Variants in SNTB1 observed in about 807,000 individuals in gnomAD.
SNTB1 encodes the protein syntrophin beta 1.
Under a neutral mutation model 48.9 loss-of-function variants are expected in SNTB1, and 36 were observed. That is an observed-to-expected ratio of 0.74 (90% CI 0.56 to 0.97). The LOEUF is 0.97. SNTB1 is among the 50% of genes least tolerant of loss of function. The pLI is 0.00. For synonymous variants in SNTB1, 299 were observed against 294.6 expected (o/e 1.01, Z -0.15); for missense variants, 786 against 703.4 (o/e 1.12, Z -1.33).
At chr8:120,593,415 C>T (rs187423722) in intron 3 of SNTB1, among the ~76,000 whole-genome samples, 1 of 152,282 alleles carries the variant, frequency 6.6e-6, no homozygotes, top group East Asian at 1.9e-4. Context: ...GGTCTTGCAG[C>T]CAATCAAATA....
At chr8:120,703,562 C>T (rs774322694) in intron 1 of SNTB1, among the ~76,000 whole-genome samples, 4 of 152,206 alleles carry the variant, frequency 2.6e-5, no homozygotes, top group Non-Finnish European at 5.9e-5. Context: ...AGGAACCCTG[C>T]ACTCTATCCT....
chr8:120,644,069 A>T (rs573475330), intron 2 of SNTB1, among the ~76,000 whole-genome samples: 15 of 152,312 alleles, frequency 9.8e-5, no homozygotes, highest in African/African-American at 3.6e-4. Flanking sequence ...TCCTGTAAAA[A>T]GCCTGTTAGC....
chr8:120,792,248 G>C (rs1159787553), intron 1 of SNTB1, among the ~76,000 whole-genome samples: 11 of 146,640 alleles, frequency 7.5e-5, no homozygotes. Flanking sequence ...AGTAACTCAG[G>C]AACTGAAAAC....
At chr8:120,611,666 G>GA (rs1305970624) in intron 3 of SNTB1, among the ~76,000 whole-genome samples, 28 of 151,018 alleles carry the variant, frequency 1.9e-4, no homozygotes, top group Admixed American at 1.8e-3. Context: ...ACTAAAAATA[G>GA]AAAAAATTAG....
At chr8:120,709,349 A>G (rs1818426066) in intron 1 of SNTB1, among the ~76,000 whole-genome samples, 1 of 152,190 alleles carries the variant, frequency 6.6e-6, no homozygotes, top group African/African-American at 2.4e-5. Flanking sequence ...CTGGGATGAG[A>G]GTGAACTATT....
At chr8:120,565,356 C>T (rs1042967174) in intron 4 of SNTB1, among the ~76,000 whole-genome samples, 2 of 151,994 alleles carry the variant, frequency 1.3e-5, no homozygotes, top group Admixed American at 1.3e-4. Flanking sequence ...CTATTAGGCA[C>T]GTATAGATAT....
chr8:120,722,148 T>A (rs188682981), intron 1 of SNTB1, among the ~76,000 whole-genome samples: 105 of 152,270 alleles, frequency 6.9e-4, no homozygotes, highest in Middle Eastern at 3.4e-3. Flanking sequence ...TTGCTGGACA[T>A]TTGGGTTGGT....
intron 2 of SNTB1, among the ~76,000 whole-genome samples, chr8:120,671,801 T>C (rs1817761890): frequency 6.6e-6 from 1 of 152,256 alleles, no homozygotes; most frequent in Admixed American, 6.5e-5. Flanking sequence ...CATAAAAAGC[T>C]GGCAACAGTA....
In SNTB1 at chr8:120,556,104, G is replaced by A. The variant is rs552016035; in HGVS notation, c.1137-7146C>T. Among the ~76,000 whole-genome samples, 6 of 152,280 alleles carry A rather than the reference G, an allele frequency of 3.9e-5. No individual in the cohort carries two copies. The South Asian group carries it at 1.2e-3, about 32-fold the overall frequency. On this transcript the variant is annotated intron_variant, in intron 4 of 6. Coordinates refer to ENST00000517992, the MANE Select transcript of SNTB1 (RefSeq NM_021021.4). ...GTCTAGGTACGGTGTGAACAGAATA[G>A]GCATGGATTAAGCCTCAAGGAGACA...
At position 120,811,321 on chromosome 8, in the gene SNTB1, C is replaced by G. The variant is rs748481413; in HGVS notation, c.523G>C (p.Glu175Gln). 5.6e-6 allele frequency: 9 copies of G among 1,610,758 alleles called. No individual in the cohort carries two copies. In the African/African-American group the frequency reaches 1.1e-4, roughly 19 times the overall value. Residue 175 changes from glutamate to glutamine, a missense_variant, in exon 1 of 7, where the codon GAG (glutamate) becomes CAG (glutamine). Transcript: ENST00000517992. The part of the protein sequence containing the change: ...GADLRDATHD[E>Q]AVQALKRAGK... ...GCGCGCTTCAACGCCTGCACCGCCT[C>G]GTCGTGGGTGGCGTCCCGCAGGTCG...
chr8:120,540,138 G>A (rs1028474351), intron 6 of SNTB1, among the ~76,000 whole-genome samples: 1 of 152,164 alleles, frequency 6.6e-6, no homozygotes, highest in Admixed American at 6.6e-5. Flanking sequence ...AGAAACGAAA[G>A]GACTTCCCCA....
chr8:120,790,832 T>G (rs1285654413), intron 1 of SNTB1, among the ~76,000 whole-genome samples: 4 of 151,772 alleles, frequency 2.6e-5, no homozygotes, highest in African/African-American at 4.8e-5. Context: ...AATCTACAGA[T>G]TCAATTCAAT....
At chr8:120,722,465 G>A (rs1355798698) in intron 1 of SNTB1, among the ~76,000 whole-genome samples, 1 of 152,186 alleles carries the variant, frequency 6.6e-6, no homozygotes, top group Non-Finnish European at 1.5e-5. Flanking sequence ...GTATCTCAGT[G>A]TGGTTTTGAT....
At chr8:120,700,259 C>T (rs1024243438) in intron 1 of SNTB1, among the ~76,000 whole-genome samples, 2 of 150,820 alleles carry the variant, frequency 1.3e-5, no homozygotes, top group Non-Finnish European at 3.0e-5. Flanking sequence ...TTGCCTGTAA[C>T]ATGAGAGAGT....
chr8:120,640,635 A>G (rs1268484643), intron 2 of SNTB1, among the ~76,000 whole-genome samples: 3 of 152,166 alleles, frequency 2.0e-5, no homozygotes, highest in African/African-American at 7.2e-5. Flanking sequence ...TATTGAGATA[A>G]CCATGTGGTT....
At chr8:120,719,303 A>C (rs111996266) in intron 1 of SNTB1, among the ~76,000 whole-genome samples, 2 of 152,200 alleles carry the variant, frequency 1.3e-5, no homozygotes, top group African/African-American at 4.8e-5. Context: ...TTAGCCTCCC[A>C]GCTTACATCT....
chr8:120,591,614 A>G (rs1428934122), intron 3 of SNTB1, among the ~76,000 whole-genome samples: 1 of 152,152 alleles, frequency 6.6e-6, no homozygotes, highest in Non-Finnish European at 1.5e-5. Flanking sequence ...GGTATCAACA[A>G]CTGCCCTTTT....
At chr8:120,771,437 C>A (rs897248787) in intron 1 of SNTB1, among the ~76,000 whole-genome samples, 6 of 152,106 alleles carry the variant, frequency 3.9e-5, no homozygotes, top group Non-Finnish European at 5.9e-5. Flanking sequence ...TTAGGAAAAA[C>A]GTATAAAAAA....
At chr8:120,713,738 A>C (rs190913745) in intron 1 of SNTB1, among the ~76,000 whole-genome samples, 1 of 152,192 alleles carries the variant, frequency 6.6e-6, no homozygotes, top group Non-Finnish European at 1.5e-5. Context: ...TCAAAAAGAA[A>C]AAAATTGAAT....
Sources: allele counts gnomAD v4.1 joint callset (sites outside exome capture counted in the v4.1 genomes callset), GRCh38; gene constraint gnomAD v4.1.1; transcripts MANE v1.5; gene names NCBI Gene and HGNC (gene_info 2026-07-23, HGNC 2026-07-21).